LRRC8D: variants seen among roughly 807,000 people sequenced by gnomAD.
LRRC8D encodes the protein volume-regulated anion channel subunit LRRC8D.
Under a neutral mutation model 55.8 loss-of-function variants are expected in LRRC8D, and 20 were observed. The ratio of observed to expected loss-of-function variants is 0.36; its 90% CI spans 0.25 to 0.52. The LOEUF is 0.52. Among genes scored for constraint, LRRC8D ranks in the 20% least tolerant of loss-of-function variants. The pLI is 0.93. For synonymous variants in LRRC8D, 352 were observed against 377.0 expected, an observed-to-expected ratio of 0.93 and a Z score of 0.77; for missense variants, 651 against 1,030.8, an observed-to-expected ratio of 0.63 and a Z score of 5.05.
chr1:89,922,616 G>C (rs954321943), intron 2 of LRRC8D, among the ~76,000 whole-genome samples: 2 of 152,094 alleles, frequency 1.3e-5, no homozygotes, highest in Non-Finnish European at 2.9e-5. Flanking sequence ...CCTAAACCAG[G>C]TGTTCCTAAT....
intron 1 of LRRC8D, among the ~76,000 whole-genome samples, chr1:89,839,642 T>C (rs1235564314): frequency 6.6e-6 from 1 of 152,126 alleles, no homozygotes; most frequent in Non-Finnish European, 1.5e-5. Context: ...AAAGCCATGG[T>C]TCAGGTTTTG....
chr1:89,879,764 A>C (rs1312674597), intron 2 of LRRC8D, among the ~76,000 whole-genome samples: 1 of 152,176 alleles, frequency 6.6e-6, no homozygotes, highest in Non-Finnish European at 1.5e-5. Flanking sequence ...GGCTGTATTC[A>C]GTAGTTATTT....
At chr1:89,868,387 T>C (rs1661906149) in intron 2 of LRRC8D, among the ~76,000 whole-genome samples, 2 of 152,222 alleles carry the variant, frequency 1.3e-5, no homozygotes. Flanking sequence ...TTAAAGCTAC[T>C]GGGCTCCTTC....
At chr1:89,899,803 TC>T (rs1662806109) in intron 2 of LRRC8D, among the ~76,000 whole-genome samples, 4 of 152,228 alleles carry the variant, frequency 2.6e-5, no homozygotes, top group African/African-American at 9.6e-5. Context: ...GTCCTGGGGA[TC>T]CTTTGAAACC....
At chr1:89,929,083 T>C (rs1246408996) in intron 2 of LRRC8D, among the ~76,000 whole-genome samples, 4 of 152,222 alleles carry the variant, frequency 2.6e-5, no homozygotes, top group African/African-American at 7.2e-5. Context: ...ATTGGATACA[T>C]AGGACAAAGA....
chr1:89,896,990 T>C (rs1356274213), intron 2 of LRRC8D, among the ~76,000 whole-genome samples: 1 of 152,168 alleles, frequency 6.6e-6, no homozygotes, highest in Non-Finnish European at 1.5e-5. Context: ...TTTTTGCAGA[T>C]GGGGGTGCTG....
At chr1:89,841,403 C>CA (rs1030955055) in intron 1 of LRRC8D, among the ~76,000 whole-genome samples, 6 of 151,468 alleles carry the variant, frequency 4.0e-5, no homozygotes, top group African/African-American at 7.3e-5. Flanking sequence ...ACCACCCCCC[C>CA]CCTTTTTTTT....
In LRRC8D at chr1:89,903,134, C is replaced by T. The variant is rs1046947072; in HGVS notation, c.-2-29933C>T. On this transcript the variant is annotated intron_variant, in intron 2 of 2. Coordinates refer to ENST00000337338, the MANE Select transcript of LRRC8D (RefSeq NM_001134479.2). ...ATCACACAGCTAATAAATGGCAGAG[C>T]CAGGATTCTTCGCTCTGGCAGTGTG... 2.5e-4 allele frequency among the ~76,000 whole-genome samples: 38 copies of T among 152,146 alleles called. 1 individual carries two copies. The highest frequency in any genetic ancestry group is 8.4e-4 in the African/African-American group (35 of 41,432).
chr1:89,854,413 A>G (rs745913807), intron 2 of LRRC8D, among the ~76,000 whole-genome samples: 1 of 152,100 alleles, frequency 6.6e-6, no homozygotes, highest in Non-Finnish European at 1.5e-5. Flanking sequence ...GAGTACTGTA[A>G]TATGAATAGC....
intron 2 of LRRC8D, among the ~76,000 whole-genome samples, chr1:89,914,203 G>A (rs977376098): frequency 3.3e-5 from 5 of 152,236 alleles, no homozygotes; most frequent in African/African-American, 9.6e-5. Flanking sequence ...GAATTGGTGG[G>A]TTCTTGGTCT....
chr1:89,843,335 G>A (rs1336849186), intron 1 of LRRC8D: 7 of 234,178 alleles, frequency 3.0e-5, no homozygotes, highest in Non-Finnish European at 8.2e-6. Flanking sequence ...CTAGGTACTT[G>A]TGGGGAGGGG....
chr1:89,873,470 T>C (rs1052175779), intron 2 of LRRC8D, among the ~76,000 whole-genome samples: 3 of 152,178 alleles, frequency 2.0e-5, no homozygotes, highest in African/African-American at 7.2e-5. Context: ...ACTAGGTGGA[T>C]GTTGAAGCTC....
chr1:89,904,751 A>G (rs1317680210), intron 2 of LRRC8D, among the ~76,000 whole-genome samples: 1 of 152,214 alleles, frequency 6.6e-6, no homozygotes, highest in Non-Finnish European at 1.5e-5. Context: ...TCCCAGTGCC[A>G]CTACTATTAA....
At chr1:89,909,563 T>C (rs922887259) in intron 2 of LRRC8D, among the ~76,000 whole-genome samples, 2 of 151,618 alleles carry the variant, frequency 1.3e-5, no homozygotes, top group Admixed American at 6.6e-5. Context: ...TCTGGCAAAA[T>C]AGAATTATAA....
At chr1:89,900,698 A>G (rs1307423527) in intron 2 of LRRC8D, among the ~76,000 whole-genome samples, 1 of 152,242 alleles carries the variant, frequency 6.6e-6, no homozygotes, top group Non-Finnish European at 1.5e-5. Context: ...TGGTCCACAG[A>G]GCACTGAAGA....
chr1:89,896,953 T>C (rs1662728778), intron 2 of LRRC8D, among the ~76,000 whole-genome samples: 1 of 152,204 alleles, frequency 6.6e-6, no homozygotes, highest in Non-Finnish European at 1.5e-5. Flanking sequence ...GTCATAATAA[T>C]CCCTTTGGAA....
rs112932859 is a variant in LRRC8D at position 89,911,964 on chromosome 1, G to A, written c.-2-21103G>A. 1.5e-4 allele frequency among the ~76,000 whole-genome samples: 23 copies of A among 152,052 alleles called. No individual in the cohort carries two copies. The highest frequency in any genetic ancestry group is 5.5e-4 in the African/African-American group (23 of 41,476). ...GTTCCCTAAATGCTAGTGATCCCCT[G>A]GATTCTGCCATTGGCCTTTTTTCTC... On this transcript the variant is annotated intron_variant, in intron 2 of 2. Transcript: ENST00000337338. The surrounding 1 kb of genome is among the most constrained non-coding windows in gnomAD (Gnocchi z 4.0).
At chr1:89,896,765 TTCTC>T (rs141152883) in intron 2 of LRRC8D, among the ~76,000 whole-genome samples, 8 of 152,176 alleles carry the variant, frequency 5.3e-5, no homozygotes, top group Non-Finnish European at 8.8e-5. Flanking sequence ...CTTTCTCCCT[TTCTC>T]TCTCTCTGTC....
At chr1:89,860,907 T>C (rs1174718232) in intron 2 of LRRC8D, among the ~76,000 whole-genome samples, 1 of 150,760 alleles carries the variant, frequency 6.6e-6, no homozygotes, top group Admixed American at 6.6e-5. Flanking sequence ...AGAAGGGCTG[T>C]TATAGGAAAC....
Sources: gnomAD v4.1 joint callset for allele counts (sites outside exome capture counted in the v4.1 genomes callset) on GRCh38, gnomAD v4.1.1 for gene constraint, Gnocchi (gnomAD v3.1) non-coding constraint, MANE v1.5 for transcripts, NCBI Gene and HGNC (gene_info 2026-07-23, HGNC 2026-07-21) for gene names.